SBF2: variants seen among roughly 807,000 people sequenced by gnomAD.
SBF2 encodes the protein myotubularin-related protein 13.
SBF2 carries 112 observed loss-of-function variants against 225.2 expected under a neutral mutation model. That is an observed-to-expected ratio of 0.50 (90% CI 0.43 to 0.58). The LOEUF is 0.58. Ranked by LOEUF, SBF2 falls within the 20% of genes least tolerant of loss-of-function variation. The probability of loss-of-function intolerance (pLI) is 0.00; values close to 1 mark genes in which losing one functional copy is unlikely to be tolerated. For missense variants in SBF2, 1,996 were observed against 2,206.2 expected (o/e 0.90, Z 1.91); for synonymous variants, 763 against 773.3 (o/e 0.99, Z 0.22).
At chr11:9,792,832 A>T in intron 33 of SBF2, among the ~76,000 whole-genome samples, 1 of 150,438 alleles carries the variant, frequency 6.6e-6, no homozygotes, top group East Asian at 2.0e-4. Context: ...GGCTCACTGC[A>T]GCCTTGACCT....
chr11:10,097,596 G>A (rs892094589), intron 2 of SBF2, among the ~76,000 whole-genome samples: 1 of 152,124 alleles, frequency 6.6e-6, no homozygotes, highest in Non-Finnish European at 1.5e-5. Flanking sequence ...GGAAATTTCA[G>A]CCATCGTCTT....
At chr11:9,796,103 G>T (rs989740494) in intron 32 of SBF2, 146 bp from the exon 33 acceptor site, 1 of 828,758 alleles carries the variant, frequency 1.2e-6, no homozygotes, top group Non-Finnish European at 1.9e-6. Context: ...AAGTAGAGAT[G>T]GGAAGGGAAC....
chr11:10,005,273 G>GA (rs1453647251), intron 6 of SBF2, among the ~76,000 whole-genome samples: 3 of 152,166 alleles, frequency 2.0e-5, no homozygotes, highest in African/African-American at 7.2e-5. Context: ...GGTAAAGGAA[G>GA]AAAGCCTCCA....
chr11:10,108,209 T>C (rs904816008), intron 2 of SBF2, among the ~76,000 whole-genome samples: 2 of 152,184 alleles, frequency 1.3e-5, no homozygotes, highest in African/African-American at 4.8e-5. Context: ...TGAGAAAGGA[T>C]AGCAGAACAC....
In SBF2 at chr11:9,846,999, T is replaced by C. The variant is rs747309148; in HGVS notation, c.2891A>G (p.Gln964Arg). The change falls in exon 23 of 40, where the codon CAG (glutamine) becomes CGG (arginine). Residue 964 changes from glutamine (Q) to arginine (R), a missense_variant. Transcript: ENST00000256190. ...GATCTGCAGTCCTTCTTGCATGTTCTGCTGTAGCTGGTTCTGCATTGTAAT... is the reference window on the plus strand; with the variant it reads ...GATCTGCAGTCCTTCTTGCATGTTCCGCTGTAGCTGGTTCTGCATTGTAAT... ...KKITMQNQLQ[Q>R]NMQEGLQITS... 23 of 1,613,750 alleles carry C rather than the reference T, an allele frequency of 1.4e-5. No homozygotes were observed. Among genetic ancestry groups the C allele is most frequent in the Non-Finnish European group, 1.8e-5 (21 of 1,179,746 alleles).
At chr11:10,100,522 G>A (rs1222622247) in intron 2 of SBF2, among the ~76,000 whole-genome samples, 2 of 152,340 alleles carry the variant, frequency 1.3e-5, no homozygotes, top group East Asian at 3.9e-4. Flanking sequence ...AACAGTCCTG[G>A]GGAGACGTCC....
At chr11:9,794,699 A>AAAAAAAAAAAAAAAAG (rs1564859829) in intron 33 of SBF2, among the ~76,000 whole-genome samples, 22 of 147,256 alleles carry the variant, frequency 1.5e-4, no homozygotes, top group African/African-American at 5.2e-4. Context: ...AAAAAAAAAA[A>AAAAAAAAAAAAAAAAG]AAAAAAAAGA....
chr11:10,264,239 C>A (rs1329283660), intron 1 of SBF2, among the ~76,000 whole-genome samples: 1 of 152,152 alleles, frequency 6.6e-6, no homozygotes, highest in African/African-American at 2.4e-5. Context: ...ACTTGGTCAC[C>A]TTCTTCTCTA....
At chr11:10,230,052 C>G (rs544294098) in intron 1 of SBF2, among the ~76,000 whole-genome samples, 2 of 152,106 alleles carry the variant, frequency 1.3e-5, no homozygotes, top group African/African-American at 4.8e-5. Context: ...GAATTGATCC[C>G]TTTACCATTA....
chr11:9,794,706 A>AAAAAAAAAAAAAAAAC (rs1853002036), intron 33 of SBF2, among the ~76,000 whole-genome samples: 1 of 147,010 alleles, frequency 6.8e-6, no homozygotes, highest in Non-Finnish European at 1.5e-5. Context: ...AAAAAAAAAA[A>AAAAAAAAAAAAAAAAC]AGACCAGGCC....
chr11:9,992,947 G>T, intron 11 of SBF2, 43 bp downstream of exon 11: 3 of 1,346,284 alleles, frequency 2.2e-6, no homozygotes, highest in South Asian at 2.5e-5. Flanking sequence ...TATTAAATTA[G>T]AATATATTTT....
At chr11:10,188,886 T>C (rs1202609016) in intron 2 of SBF2, among the ~76,000 whole-genome samples, 1 of 152,246 alleles carries the variant, frequency 6.6e-6, no homozygotes, top group East Asian at 1.9e-4. Context: ...TTAAAATCCT[T>C]TTTATAGTTC....
chr11:10,274,652 G>A (rs1380237102), intron 1 of SBF2, among the ~76,000 whole-genome samples: 1 of 151,542 alleles, frequency 6.6e-6, no homozygotes, highest in African/African-American at 2.4e-5. Context: ...TCAGGAGGCT[G>A]AGGCAGGAGA....
intron 6 of SBF2, among the ~76,000 whole-genome samples, chr11:10,006,060 T>C (rs973273801): frequency 2.0e-5 from 3 of 152,226 alleles, no homozygotes; most frequent in Non-Finnish European, 2.9e-5. Flanking sequence ...GGGTTTCCTC[T>C]GCTTTTTCAA....
chr11:9,880,017 G>A lies in SBF2; in HGVS notation c.1929+15926C>T, dbSNP rs370868519. ...GAGAATTGCTTGAACCTGGGATGTG[G>A]AGGTTGCAGTGAGATGAGATCGTGC... is the stretch of plus-strand genomic sequence containing the variant. On this transcript the variant is annotated intron_variant, in intron 17 of 39. Transcript: ENST00000256190. Among the ~76,000 whole-genome samples the A allele has an allele frequency of 3.7e-4, 55 of 149,778 alleles. No individual in the cohort carries two copies. The South Asian group carries it at 4.8e-3, about 13-fold the overall frequency.
At chr11:10,251,390 C>A (rs924935883) in intron 1 of SBF2, among the ~76,000 whole-genome samples, 1 of 152,186 alleles carries the variant, frequency 6.6e-6, no homozygotes, top group African/African-American at 2.4e-5. Flanking sequence ...GCTATGGTTA[C>A]ACAACAGACT....
At chr11:10,129,269 A>T (rs1351381126) in intron 2 of SBF2, among the ~76,000 whole-genome samples, 1 of 151,942 alleles carries the variant, frequency 6.6e-6, no homozygotes, top group Non-Finnish European at 1.5e-5. Context: ...ACACCCAGTT[A>T]ATTTTTGTAT....
chr11:9,828,607 C>T, intron 28 of SBF2: 1 of 985,374 alleles, frequency 1.0e-6, no homozygotes, highest in Non-Finnish European at 1.2e-6. Context: ...TCTACATGAA[C>T]CCTTTGGGGT....
rs1340471944 is a variant in SBF2 at position 9,779,893 on chromosome 11, G to A, written c.*525C>T. The A allele has an allele frequency of 4.5e-5, 9 of 201,740 alleles. No homozygotes were observed. The highest frequency in any genetic ancestry group is 1.6e-4 in the Admixed American group (3 of 19,118). The allele number at this position is 201,740 out of a possible 1,614,324, so 12.5% of individuals were successfully genotyped here. A position where few individuals can be genotyped will look rare whatever the true frequency, so the allele number is the denominator to read the frequency against. On this transcript the variant is annotated 3_prime_UTR_variant, in exon 40 of 40. Coordinates refer to ENST00000256190, the MANE Select transcript of SBF2 (RefSeq NM_030962.4). ...GTTGTGAACCCCACTGGCAGAGCACGGACCATGGAAGCATCTTTTGGCAGC... is the reference window on the plus strand; with the variant it reads ...GTTGTGAACCCCACTGGCAGAGCACAGACCATGGAAGCATCTTTTGGCAGC...
Sources: allele counts gnomAD v4.1 joint callset (sites outside exome capture counted in the v4.1 genomes callset), GRCh38; gene constraint gnomAD v4.1.1; transcripts MANE v1.5; gene names NCBI Gene and HGNC (gene_info 2026-07-23, HGNC 2026-07-21).